The following TLR1 variants were observed in gnomAD, a reference collection of about 807,000 sequenced individuals.
The protein encoded by TLR1 is toll-like receptor 1.
Under a neutral mutation model 20.2 loss-of-function variants are expected in TLR1, and 19 were observed. The observed-to-expected ratio is 0.94, with a 90% CI of 0.66 to 1.38. The LOEUF is 1.38. TLR1 is among the 40% of genes most tolerant of loss of function. TLR1 has a pLI of 0.00. For missense variants in TLR1, 921 were observed against 910.0 expected, an observed-to-expected ratio of 1.01 and a Z score of -0.16; for synonymous variants, 320 against 334.5, an observed-to-expected ratio of 0.96 and a Z score of 0.47.
chr4:38,798,202 G>C lies in TLR1; in HGVS notation c.630C>G (p.Val210=). 1 of 1,613,982 alleles carries C rather than the reference G, an allele frequency of 6.2e-7. No homozygotes were observed. The highest frequency in any genetic ancestry group is 8.5e-7 in the Non-Finnish European group (1 of 1,179,942). The part of the protein sequence containing the change: ...KEFHFILDVS[V]KTVANLELSN... ...ATAGTTCCAGATTTGCTACAGTCTT[G>C]ACTGACACATCCAAAATAAAATGGA... The change falls in exon 4 of 4, where the codon GTC becomes GTG. Residue 210 remains valine (V), a synonymous_variant. Coordinates refer to ENST00000308979, the MANE Select transcript of TLR1 (RefSeq NM_003263.4).
At chr4:38,799,801 C>A (rs1726508538) in intron 3 of TLR1, among the ~76,000 whole-genome samples, 1 of 152,160 alleles carries the variant, frequency 6.6e-6, no homozygotes, top group African/African-American at 2.4e-5. Flanking sequence ...TGATAAAAGG[C>A]CTCTCAGAAG....
upstream of TLR1, chr4:38,805,115 G>C (rs1434493178): frequency 6.6e-6 from 1 of 152,252 alleles, no homozygotes; most frequent in African/African-American, 2.4e-5. Flanking sequence ...TGCTTACCGT[G>C]GTGGCTATGC....
downstream of TLR1, among the ~76,000 whole-genome samples, chr4:38,791,599 T>C (rs1255701664): frequency 6.6e-6 from 1 of 152,228 alleles, no homozygotes; most frequent in South Asian, 2.1e-4. Context: ...TTTCTGTAAC[T>C]TTTGTCTCTT....
At chr4:38,796,121 T>A, downstream of TLR1, 1 of 223,362 alleles carries the variant, frequency 4.5e-6, no homozygotes, top group South Asian at 7.6e-5. Context: ...CCCAGCTATA[T>A]TCACAAAAGT....
chr4:38,791,101 G>C (rs1410918876), exon 4 of TLR1: 2 of 152,218 alleles, frequency 1.3e-5, no homozygotes, highest in African/African-American at 4.8e-5. Context: ...TTCCAGAACA[G>C]CCAAGGAGGG....
At chr4:38,787,865 GCA>G (rs1185304366), downstream of TLR1, among the ~76,000 whole-genome samples, 1 of 152,110 alleles carries the variant, frequency 6.6e-6, no homozygotes, top group African/African-American at 2.4e-5. Context: ...GAACTCTAAT[GCA>G]CCCACGAAAC....
At chr4:38,792,856 TA>T (rs1725799518), downstream of TLR1, among the ~76,000 whole-genome samples, 1 of 122,778 alleles carries the variant, frequency 8.1e-6, no homozygotes, top group African/African-American at 4.2e-5. Flanking sequence ...TTTCAAATTA[TA>T]TATATATATA....
upstream of TLR1, chr4:38,805,137 G>A (rs1726938428): frequency 6.6e-6 from 1 of 152,302 alleles, no homozygotes; most frequent in South Asian, 2.1e-4. Context: ...TGGCAGAAGT[G>A]TGCGTCTGGG....
chr4:38,803,297 A>G (rs932305575), intron 2 of TLR1, among the ~76,000 whole-genome samples: 12 of 151,496 alleles, frequency 7.9e-5, no homozygotes, highest in Admixed American at 3.9e-4. Flanking sequence ...TGGGCGTGAC[A>G]CTCTCTCTCT....
chr4:38,798,264 C>CA lies in TLR1; in HGVS notation c.567dup (p.Glu190Ter). 1 of 1,612,494 alleles carries CA rather than the reference C, an allele frequency of 6.2e-7. No individual in the cohort carries two copies. The highest frequency in any genetic ancestry group is 1.3e-5 in the African/African-American group (1 of 74,980). The stretch of plus-strand genomic sequence containing the variant: ...GTGGGGAACACAATGTGCAGACTCT[C>CA]AGTGTTAAAGTCTTGAAGGCCCTCA... On this transcript the variant is annotated frameshift_variant, in exon 4 of 4. Coordinates refer to ENST00000308979, the MANE Select transcript of TLR1 (RefSeq NM_003263.4). LOFTEE classifies it low-confidence loss of function (END_TRUNC).
chr4:38,798,044 C>A lies in TLR1; in HGVS notation c.788G>T (p.Arg263Met). Residue 263 changes from arginine to methionine, a missense_variant, in exon 4 of 4, where the codon AGG (arginine) becomes ATG (methionine). Transcript: ENST00000308979. ...NIETTWNSFI[R>M]ILQLVWHTTV... is the part of the protein sequence containing the mutation. ...TGTATGCCAAACCAGCTGGAGGATC[C>A]TAATGAAAGAATTCCAAGTTGTTTC... is the stretch of plus-strand genomic sequence containing the variant. 6.2e-7 allele frequency: 1 copy of A among 1,613,896 alleles called. No homozygotes were observed. Among genetic ancestry groups the A allele is most frequent in the Non-Finnish European group, 8.5e-7 (1 of 1,179,884 alleles).
chr4:38,797,074 G>A lies in TLR1; in HGVS notation c.1758C>T (p.Ile586=), dbSNP rs140382462. 4.6e-5 allele frequency: 75 copies of A among 1,614,086 alleles called. No homozygotes were observed. In the Middle Eastern group the frequency reaches 4.9e-4, roughly 11 times the overall value. ...CAGCCAACACCAGCATGGTGGCAACGATGGTGACGATCAGCAGAGTTATGT... is the reference window on the plus strand; with the variant it reads ...CAGCCAACACCAGCATGGTGGCAACAATGGTGACGATCAGCAGAGTTATGT... The part of the protein sequence containing the change: ...SCNITLLIVT[I]VATMLVLAVT... The change falls in exon 4 of 4, where the codon ATC becomes ATT. Residue 586 remains isoleucine, a synonymous_variant. Coordinates refer to ENST00000308979, the MANE Select transcript of TLR1 (RefSeq NM_003263.4).
At chr4:38,789,046 A>C (rs1011361059), downstream of TLR1, among the ~76,000 whole-genome samples, 2 of 152,232 alleles carry the variant, frequency 1.3e-5, no homozygotes, top group African/African-American at 4.8e-5. Flanking sequence ...ATTTAAAACA[A>C]AAGTAGTAAA....
At chr4:38,801,636 T>A (rs554570976) in intron 2 of TLR1, among the ~76,000 whole-genome samples, 1 of 152,252 alleles carries the variant, frequency 6.6e-6, no homozygotes, top group East Asian at 1.9e-4. Flanking sequence ...ATCAGCACAG[T>A]CAGGCGTGGT....
At chr4:38,790,808 G>C (rs1191547857), downstream of TLR1, 1 of 151,966 alleles carries the variant, frequency 6.6e-6, no homozygotes, top group Non-Finnish European at 1.5e-5. Flanking sequence ...ATTTTCCAAT[G>C]CTTCTATTTC....
rs200656244 is a variant in TLR1, at chr4:38,797,402, A to C, written c.1430T>G (p.Phe477Cys). ...LEALQELNVA[F>C]NSLTDLPGCG... ...TCCAGGAAGGTCAGTTAAAGAATTGAAAGCAACATTGAGTTCTTGCAAAGC... is the reference window on the plus strand; with the variant it reads ...TCCAGGAAGGTCAGTTAAAGAATTGCAAGCAACATTGAGTTCTTGCAAAGC... Residue 477 changes from phenylalanine to cysteine, a missense_variant, in exon 4 of 4, where the codon TTC becomes TGC. Physicochemically the swap from Phe to Cys is radical, Grantham distance 205. Coordinates refer to ENST00000308979, the MANE Select transcript of TLR1 (RefSeq NM_003263.4). The C allele has an allele frequency of 1.4e-5, 23 of 1,614,198 alleles. No homozygotes were observed. Among genetic ancestry groups the C allele is most frequent in the Non-Finnish European group, 1.9e-5 (23 of 1,180,024 alleles).
rs1428373670 is a variant in TLR1, at chr4:38,797,342, A to G, written c.1490T>C (p.Ile497Thr). The G allele has an allele frequency of 1.9e-5, 30 of 1,614,200 alleles. No individual in the cohort carries two copies. In the Admixed American group the frequency reaches 4.5e-4, roughly 24 times the overall value. Residue 497 changes from isoleucine to threonine, a missense_variant, in exon 4 of 4, where the codon ATT becomes ACT. Ile to Thr is a moderately conservative substitution (Grantham distance 89). Transcript: ENST00000308979. ...TGGGTGGGAAACTGAATTGTGATCA[A>G]TGATCAATACAGAAAGGCTGCTAAA... ...GSFSSLSVLI[I>T]DHNSVSHPSA...
exon 4 of TLR1, chr4:38,790,932 G>GGT (rs1281198284): frequency 2.0e-5 from 3 of 152,126 alleles, no homozygotes; most frequent in African/African-American, 7.2e-5. Flanking sequence ...TATAATTACC[G>GGT]GTGGCACTTC....
rs1450788628 is a variant in TLR1 at position 38,798,439 on chromosome 4, T to C, written c.393A>G (p.Ile131Met). The C allele has an allele frequency of 1.9e-6, 3 of 1,613,772 alleles. No individual in the cohort carries two copies. The African/African-American group carries it at 4.0e-5, about 22-fold the overall frequency. The change falls in exon 4 of 4, where the codon ATA becomes ATG. Residue 131 changes from isoleucine (I) to methionine (M), a missense_variant. Physicochemically the swap from Ile to Met is conservative, Grantham distance 10. Transcript: ENST00000308979. Reference sequence around the variant, plus strand: ...GAGACATATTGCCAAACTCTTTGCATATAGGCAGGGCATCAAATGCATTAA... The same window carrying C: ...GAGACATATTGCCAAACTCTTTGCACATAGGCAGGGCATCAAATGCATTAA... ...LSFNAFDALP[I>M]CKEFGNMSQL...
Sources: gnomAD v4.1 joint callset for allele counts (sites outside exome capture counted in the v4.1 genomes callset) on GRCh38, gnomAD v4.1.1 for gene constraint, MANE v1.5 for transcripts, NCBI Gene and HGNC (gene_info 2026-07-23, HGNC 2026-07-21) for gene names.